NPAS3: variants seen among roughly 807,000 people sequenced by gnomAD.
NPAS3 encodes the protein neuronal PAS domain-containing protein 3.
In NPAS3, 14 loss-of-function variants were observed where a neutral mutation model predicts 73.1. The ratio of observed to expected loss-of-function variants is 0.19; its 90% CI spans 0.13 to 0.30. NPAS3 has a LOEUF of 0.30. Ranked by LOEUF, NPAS3 falls within the 10% of genes least tolerant of loss-of-function variation. The pLI is 1.00. For synonymous variants in NPAS3, 620 were observed against 541.5 expected, an observed-to-expected ratio of 1.14 and a Z score of -2.01; for missense variants, 1,096 against 1,250.0, an observed-to-expected ratio of 0.88 and a Z score of 1.86.
rs182799195 is a variant in NPAS3, at chr14:33,292,085, G to C, written c.386-75101G>C. On this transcript the variant is annotated intron_variant, in intron 3 of 11. Coordinates refer to ENST00000356141, the Ensembl canonical transcript of NPAS3. ...GCCTCATGTAGTATAATATACATGG[G>C]CATTGAATACTCTTATTTATTCAGT... is the stretch of plus-strand genomic sequence containing the variant. Among the ~76,000 whole-genome samples, 48 of 152,282 alleles carry C rather than the reference G, an allele frequency of 3.2e-4. 1 individual carries two copies. The highest frequency in any genetic ancestry group is 3.4e-3 in the Middle Eastern group (1 of 294).
chr14:33,794,154 C>A, intron 10 of NPAS3, 110 bp downstream of exon 10: 2 of 949,736 alleles, frequency 2.1e-6, no homozygotes, highest in Non-Finnish European at 3.2e-6. Context: ...TTGACAGTAC[C>A]TGGTGTGGAA....
At chr14:33,034,465 G>A (rs933536157) in intron 1 of NPAS3, among the ~76,000 whole-genome samples, 1 of 151,226 alleles carries the variant, frequency 6.6e-6, no homozygotes, top group Non-Finnish European at 1.5e-5. Context: ...ATTCTTCAAA[G>A]TTAGAATTTT....
At chr14:33,275,988 AG>A (rs2041310504) in intron 3 of NPAS3, among the ~76,000 whole-genome samples, 3 of 152,150 alleles carry the variant, frequency 2.0e-5, no homozygotes, top group Admixed American at 6.6e-5. Flanking sequence ...GAAAACACCA[AG>A]GGTACCTACA....
chr14:33,706,302 T>C (rs1483470297), intron 6 of NPAS3, among the ~76,000 whole-genome samples: 1 of 152,162 alleles, frequency 6.6e-6, no homozygotes, highest in Admixed American at 6.5e-5. Flanking sequence ...ATTCACTGGG[T>C]GTTCACCACA....
chr14:33,392,742 C>T (rs1278470758), intron 4 of NPAS3, among the ~76,000 whole-genome samples: 1 of 152,092 alleles, frequency 6.6e-6, no homozygotes, highest in East Asian at 1.9e-4. Context: ...ACAGATTTTA[C>T]ACATCACCGC....
chr14:33,187,271 A>G (rs1158652588), intron 2 of NPAS3, among the ~76,000 whole-genome samples: 2 of 152,094 alleles, frequency 1.3e-5, no homozygotes, highest in African/African-American at 4.8e-5. Flanking sequence ...CCACAGCTGT[A>G]TTGGCTTAGT....
chr14:33,660,765 A>G (rs59853004), intron 5 of NPAS3, among the ~76,000 whole-genome samples: 3,346 of 152,256 alleles, frequency 0.022, 128 homozygotes, highest in African/African-American at 0.076. Flanking sequence ...TCCTTGACAC[A>G]TCAAAAATGG....
intron 4 of NPAS3, among the ~76,000 whole-genome samples, chr14:33,507,805 G>T (rs1239091651): frequency 6.6e-6 from 1 of 151,942 alleles, no homozygotes; most frequent in Non-Finnish European, 1.5e-5. Flanking sequence ...CTTCTGGTTT[G>T]GAGTCTGTGT....
chr14:33,206,363 G>GTTTGCCCAGGAATGTCCTGC (rs2046822489), intron 2 of NPAS3, among the ~76,000 whole-genome samples: 1 of 152,016 alleles, frequency 6.6e-6, no homozygotes, highest in South Asian at 2.1e-4. Context: ...AAGGATCCTG[G>GTTTGCCCAGGAATGTCCTGC]TTTGCCCAGG....
chr14:33,376,635 G>T (rs1006155115), intron 4 of NPAS3, among the ~76,000 whole-genome samples: 7 of 152,154 alleles, frequency 4.6e-5, no homozygotes, highest in African/African-American at 1.2e-4. Context: ...AGCTTAGTTT[G>T]TATCCACATC....
intron 4 of NPAS3, among the ~76,000 whole-genome samples, chr14:33,456,308 G>A (rs937835147): frequency 1.3e-5 from 2 of 152,176 alleles, no homozygotes; most frequent in Admixed American, 6.5e-5. Flanking sequence ...TATAAAAATA[G>A]TAAATGCCCA....
chr14:33,606,267 C>T (rs1371621829), intron 5 of NPAS3, among the ~76,000 whole-genome samples: 1 of 136,198 alleles, frequency 7.3e-6, no homozygotes, highest in East Asian at 2.3e-4. Context: ...TGTTCCCCTT[C>T]CTGTGTCCAT....
chr14:32,963,527 C>T (rs748223284), intron 1 of NPAS3, among the ~76,000 whole-genome samples: 9 of 152,002 alleles, frequency 5.9e-5, no homozygotes, highest in South Asian at 2.1e-4. Context: ...TAATTGATGC[C>T]GAGGAGGGTA....
intron 3 of NPAS3, among the ~76,000 whole-genome samples, chr14:33,343,778 T>C (rs1445178955): frequency 6.6e-6 from 1 of 152,220 alleles, no homozygotes; most frequent in East Asian, 1.9e-4. Flanking sequence ...AATACCGTGA[T>C]GGAATTATCC....
At chr14:33,457,998 A>G (rs2050098452) in intron 4 of NPAS3, among the ~76,000 whole-genome samples, 1 of 152,174 alleles carries the variant, frequency 6.6e-6, no homozygotes, top group Non-Finnish European at 1.5e-5. Flanking sequence ...TCACTGGTTG[A>G]TGTGTTTTTA....
intron 7 of NPAS3, among the ~76,000 whole-genome samples, chr14:33,756,518 G>A (rs941754455): frequency 6.6e-6 from 1 of 152,228 alleles, no homozygotes; most frequent in East Asian, 1.9e-4. Flanking sequence ...GTGAAAGAGA[G>A]CACTGAGCTT....
intron 3 of NPAS3, among the ~76,000 whole-genome samples, chr14:33,295,854 A>C (rs2140129362): frequency 6.6e-6 from 1 of 152,358 alleles, no homozygotes. Flanking sequence ...AGAAGCAGAC[A>C]GTCAGAATAC....
chr14:33,082,008 A>T (rs1433232818), intron 2 of NPAS3, among the ~76,000 whole-genome samples: 1 of 152,236 alleles, frequency 6.6e-6, no homozygotes, highest in Non-Finnish European at 1.5e-5. Flanking sequence ...ATTGTCCTCG[A>T]TGATTGGTCA....
intron 3 of NPAS3, among the ~76,000 whole-genome samples, chr14:33,278,157 C>T (rs1469691539): frequency 6.6e-6 from 1 of 152,034 alleles, no homozygotes; most frequent in East Asian, 1.9e-4. Context: ...ATTGTGAAGT[C>T]CTTAGGAAAC....
Sources: gnomAD v4.1 joint callset for allele counts (sites outside exome capture counted in the v4.1 genomes callset) on GRCh38, gnomAD v4.1.1 for gene constraint, MANE v1.5 for transcripts, NCBI Gene and HGNC (gene_info 2026-07-23, HGNC 2026-07-21) for gene names.